The following IFT80 variants were observed in gnomAD, a reference collection of about 807,000 sequenced individuals.
IFT80 encodes the protein intraflagellar transport 80, also known as intraflagellar transport protein 80 homolog.
Under a neutral mutation model 107.9 loss-of-function variants are expected in IFT80, and 79 were observed. That is an observed-to-expected ratio of 0.73 (90% confidence interval 0.61 to 0.88). The LOEUF is 0.88. Among genes scored for constraint, IFT80 ranks in the 40% least tolerant of loss-of-function variants. The probability of loss-of-function intolerance (pLI) is 0.00; values close to 1 mark genes in which losing one functional copy is unlikely to be tolerated. For synonymous variants in IFT80, 299 were observed against 300.9 expected, an observed-to-expected ratio of 0.99 and a Z score of 0.07; for missense variants, 797 against 914.2, an observed-to-expected ratio of 0.87 and a Z score of 1.65.
intron 14 of IFT80, 43 bp downstream of exon 14, chr3:160,282,431 TAAGA>T (rs759475128): frequency 8.0e-7 from 1 of 1,256,486 alleles, no homozygotes; most frequent in Non-Finnish European, 1.1e-6. Flanking sequence ...ACAGCAAATA[TAAGA>T]AAGTTGACAA....
chr3:160,361,912 C>T (rs1207860085), intron 6 of IFT80, among the ~76,000 whole-genome samples: 2 of 152,080 alleles, frequency 1.3e-5, no homozygotes, highest in Admixed American at 6.6e-5. Context: ...TAAATGCCCA[C>T]AAGAGAAAGC....
intron 6 of IFT80, among the ~76,000 whole-genome samples, chr3:160,358,983 A>G (rs186236816): frequency 1.3e-4 from 20 of 152,302 alleles, no homozygotes; most frequent in African/African-American, 4.8e-4. Context: ...TTTCCTCACT[A>G]TAAGACCAAG....
intron 1 of IFT80, among the ~76,000 whole-genome samples, chr3:160,390,770 A>C (rs1713323740): frequency 6.6e-6 from 1 of 152,202 alleles, no homozygotes; most frequent in Non-Finnish European, 1.5e-5. Flanking sequence ...TGAAACCAAC[A>C]GTGGCTATTA....
intron 12 of IFT80, among the ~76,000 whole-genome samples, chr3:160,289,028 A>G (rs983710510): frequency 1.3e-5 from 2 of 151,592 alleles, no homozygotes; most frequent in Non-Finnish European, 2.9e-5. Context: ...TGCAACACCT[A>G]TTCACAATGG....
At chr3:160,289,915 A>C (rs919836727) in intron 12 of IFT80, among the ~76,000 whole-genome samples, 9 of 152,166 alleles carry the variant, frequency 5.9e-5, no homozygotes, top group Non-Finnish European at 1.2e-4. Context: ...TTTGGTCCAA[A>C]ACCCCCTGGT....
intron 8 of IFT80, chr3:160,342,740 G>C (rs1720004575): frequency 6.5e-6 from 1 of 153,028 alleles, no homozygotes; most frequent in Admixed American, 6.5e-5. Flanking sequence ...GGGGTCTCCA[G>C]AACCAAAGGG....
intron 1 of IFT80, among the ~76,000 whole-genome samples, chr3:160,398,732 G>A (rs1247074386): frequency 6.6e-6 from 1 of 152,084 alleles, no homozygotes; most frequent in East Asian, 1.9e-4. Context: ...CTTACCCAGG[G>A]CAATGTATAC....
intron 8 of IFT80, among the ~76,000 whole-genome samples, chr3:160,322,557 G>A (rs976680723): frequency 6.6e-6 from 1 of 152,064 alleles, no homozygotes; most frequent in Non-Finnish European, 1.5e-5. Flanking sequence ...ACCCACTAAT[G>A]GGATGGCTGG....
intron 8 of IFT80, among the ~76,000 whole-genome samples, chr3:160,330,737 C>T (rs1211025423): frequency 6.6e-6 from 1 of 152,122 alleles, no homozygotes; most frequent in African/African-American, 2.4e-5. Context: ...GCATAATAGA[C>T]CCCCATTTAC....
chr3:160,321,189 C>A (rs1718185255), intron 8 of IFT80, among the ~76,000 whole-genome samples: 1 of 151,924 alleles, frequency 6.6e-6, no homozygotes, highest in East Asian at 1.9e-4. Flanking sequence ...TTGAAGTCAT[C>A]TTTTGAAAAT....
At chr3:160,297,492 C>A (rs1716075171) in intron 12 of IFT80, among the ~76,000 whole-genome samples, 1 of 151,610 alleles carries the variant, frequency 6.6e-6, no homozygotes, top group Admixed American at 6.6e-5. Context: ...AAATTTAATT[C>A]CAGAGGATTG....
intron 18 of IFT80, among the ~76,000 whole-genome samples, chr3:160,273,977 T>A (rs1230479598): frequency 6.6e-6 from 1 of 152,156 alleles, no homozygotes. Flanking sequence ...CCTCATTACA[T>A]CTTCTTTGAC....
At chr3:160,270,465 T>C (rs1713711954) in intron 18 of IFT80, among the ~76,000 whole-genome samples, 1 of 152,192 alleles carries the variant, frequency 6.6e-6, no homozygotes, top group Non-Finnish European at 1.5e-5. Context: ...AATGCCAAAA[T>C]TGGGCAAAAT....
intron 8 of IFT80, among the ~76,000 whole-genome samples, chr3:160,324,769 G>GTTC (rs1553759458): frequency 2.6e-5 from 4 of 152,150 alleles, no homozygotes; most frequent in Non-Finnish European, 1.5e-5. Context: ...AGTGTTGGAA[G>GTTC]TTCTGGTCAG....
intron 18 of IFT80, 44 bp downstream of exon 18, chr3:160,277,262 A>C: frequency 6.5e-7 from 1 of 1,543,670 alleles, no homozygotes; most frequent in Non-Finnish European, 8.9e-7. Flanking sequence ...AAAATACATT[A>C]AGGTCAAACA....
chr3:160,320,373 A>C (rs1242020108), intron 8 of IFT80, among the ~76,000 whole-genome samples: 1 of 151,904 alleles, frequency 6.6e-6, no homozygotes, highest in Non-Finnish European at 1.5e-5. Context: ...TGTAACTAAA[A>C]TAGCTCTGAC....
At chr3:160,382,216 A>G (rs1326890220) in intron 2 of IFT80, among the ~76,000 whole-genome samples, 1 of 152,210 alleles carries the variant, frequency 6.6e-6, no homozygotes, top group East Asian at 1.9e-4. Flanking sequence ...ACTGAAATCT[A>G]ACAGTAGGCT....
At chr3:160,395,011 TTA>T (rs1021777502) in intron 1 of IFT80, among the ~76,000 whole-genome samples, 6 of 152,178 alleles carry the variant, frequency 3.9e-5, no homozygotes, top group Non-Finnish European at 7.4e-5. Flanking sequence ...AATTCTAATT[TTA>T]TATGTTTCTG....
rs370447003 is a variant in IFT80, at chr3:160,362,732, G to A, written c.549+3311C>T. Among the ~76,000 whole-genome samples the A allele has an allele frequency of 1.2e-4, 19 of 152,222 alleles. 1 individual carries two copies. In the South Asian group the frequency reaches 3.7e-3, roughly 30 times the overall value. ...ATTCAACATACGCAAATAAAGAAAC[G>A]TAATCCATCACATAAACAGAACCAA... is the stretch of plus-strand genomic sequence containing the variant. On this transcript the variant is annotated intron_variant, in intron 6 of 19. Coordinates refer to ENST00000326448, the MANE Select transcript of IFT80 (RefSeq NM_020800.3).
Sources: gnomAD v4.1 joint callset for allele counts (sites outside exome capture counted in the v4.1 genomes callset) on GRCh38, gnomAD v4.1.1 for gene constraint, MANE v1.5 for transcripts, NCBI Gene and HGNC (gene_info 2026-07-23, HGNC 2026-07-21) for gene names.